The following HELZ variants were observed in gnomAD, a reference collection of about 807,000 sequenced individuals.
The protein encoded by HELZ is helicase with zinc finger.
Under a neutral mutation model 218.2 loss-of-function variants are expected in HELZ, and 23 were observed. The observed-to-expected ratio is 0.11, with a 90% CI of 0.08 to 0.15. The LOEUF (loss-of-function observed/expected upper bound fraction) is 0.15. HELZ is among the 10% of genes least tolerant of loss of function. The probability of loss-of-function intolerance (pLI) is 1.00; values close to 1 mark genes in which losing one functional copy is unlikely to be tolerated. For missense variants in HELZ, 1,813 were observed against 2,353.7 expected (o/e 0.77, Z 4.75); for synonymous variants, 814 against 829.4 (o/e 0.98, Z 0.32).
rs535420960 is a variant in HELZ, at chr17:67,108,230, G to A, written c.4724+262C>T. ...CTCACAGTGATGGTATGTTTCTCTCGCAGAAAAGACCACAAAGTAAGGGAA... is the reference window on the plus strand; with the variant it reads ...CTCACAGTGATGGTATGTTTCTCTCACAGAAAAGACCACAAAGTAAGGGAA... On this transcript the variant is annotated intron_variant, in intron 30 of 32. Transcript: ENST00000358691. This position sits in a 1 kb window ranked among gnomAD's most constrained non-coding sequence, Gnocchi z 4.1. 2.0e-5 allele frequency among the ~76,000 whole-genome samples: 3 copies of A among 152,218 alleles called. No homozygotes were observed. The highest frequency in any genetic ancestry group is 4.1e-4 in the South Asian group (2 of 4,830).
At chr17:67,128,481 G>A in intron 24 of HELZ, 170 bp downstream of exon 24, 1 of 661,796 alleles carries the variant, frequency 1.5e-6, no homozygotes, top group South Asian at 1.8e-5. Flanking sequence ...ACACCATACT[G>A]TATTTTCACT....
intron 31 of HELZ, among the ~76,000 whole-genome samples, chr17:67,093,877 A>G (rs532733850): frequency 6.6e-6 from 1 of 152,366 alleles, no homozygotes; most frequent in South Asian, 2.1e-4. Context: ...TTTTAGCCTT[A>G]TAAAACTCAA....
At chr17:67,199,522 A>G (rs1207597953) in intron 7 of HELZ, among the ~76,000 whole-genome samples, 1 of 152,098 alleles carries the variant, frequency 6.6e-6, no homozygotes, top group Non-Finnish European at 1.5e-5. Context: ...CTGTTTTGCC[A>G]TTACTTTCAA....
intron 4 of HELZ, among the ~76,000 whole-genome samples, chr17:67,216,156 C>A (rs553950297): frequency 2.0e-4 from 30 of 152,168 alleles, no homozygotes; most frequent in Non-Finnish European, 3.8e-4. Context: ...CCCACTCCTA[C>A]TTCTCACCTT....
intron 9 of HELZ, 61 bp downstream of exon 9, chr17:67,193,906 A>G: frequency 1.6e-6 from 2 of 1,270,964 alleles, no homozygotes; most frequent in Non-Finnish European, 2.3e-6. Flanking sequence ...TTAGATAAGG[A>G]AAATTATCTG....
In HELZ at chr17:67,204,709, T is replaced by C. The variant is rs1263312548; in HGVS notation, c.248-1266A>G. ...TTTGACAGGGTTTTATTCAATTATT[T>C]TTAGTTTGGACGAATCTATTGTTTC... On this transcript the variant is annotated intron_variant, in intron 5 of 32. Transcript: ENST00000358691. 2.0e-5 allele frequency among the ~76,000 whole-genome samples: 3 copies of C among 152,142 alleles called. No homozygotes were observed. In the East Asian group the frequency reaches 5.8e-4, roughly 29 times the overall value.
At chr17:67,101,355 C>G (rs1314706515) in intron 31 of HELZ, among the ~76,000 whole-genome samples, 1 of 151,922 alleles carries the variant, frequency 6.6e-6, no homozygotes, top group Non-Finnish European at 1.5e-5. Context: ...CCCTCCTCCC[C>G]CATCCACTCC....
intron 31 of HELZ, among the ~76,000 whole-genome samples, chr17:67,104,155 C>CCGCA (rs570666400): frequency 1.0e-3 from 159 of 152,082 alleles, no homozygotes; most frequent in Non-Finnish European, 1.9e-3. Flanking sequence ...TAAAAAGGGG[C>CCGCA]CGGGTGCGGT....
At chr17:67,135,437 T>C (rs1008799002) in intron 23 of HELZ, among the ~76,000 whole-genome samples, 31 of 152,204 alleles carry the variant, frequency 2.0e-4, no homozygotes, top group African/African-American at 7.0e-4. Flanking sequence ...TGGAGCACTT[T>C]TAACCCAAAT....
intron 3 of HELZ, among the ~76,000 whole-genome samples, chr17:67,226,187 A>G (rs2040884081): frequency 6.7e-6 from 1 of 149,576 alleles, no homozygotes; most frequent in Non-Finnish European, 1.5e-5. Context: ...TGAACACAGG[A>G]GGCGGAGGTT....
intron 22 of HELZ, among the ~76,000 whole-genome samples, chr17:67,136,606 T>C (rs1158930274): frequency 1.3e-5 from 2 of 152,230 alleles, no homozygotes; most frequent in Admixed American, 6.5e-5. Flanking sequence ...CAATAGATTA[T>C]TCAGCCTTAT....
At chr17:67,172,089 T>G (rs1361138647) in intron 13 of HELZ, among the ~76,000 whole-genome samples, 1 of 152,184 alleles carries the variant, frequency 6.6e-6, no homozygotes, top group Non-Finnish European at 1.5e-5. Flanking sequence ...CACCTCGGCC[T>G]CCCAAAGTGC....
intron 31 of HELZ, among the ~76,000 whole-genome samples, chr17:67,089,342 G>A (rs898981550): frequency 2.6e-5 from 4 of 151,876 alleles, no homozygotes; most frequent in Admixed American, 6.6e-5. Flanking sequence ...GGAAGAAAAC[G>A]AAAACTCAGA....
rs531454586 is a variant in HELZ at position 67,169,161 on chromosome 17, T to C, written c.1431-1365A>G. On this transcript the variant is annotated intron_variant, in intron 13 of 32. Coordinates refer to ENST00000358691, the MANE Select transcript of HELZ (RefSeq NM_014877.4). ...TGTAAACTAATTAACAGTTCTCCTT[T>C]GCTGTTCTGAAATGGTGCTGTAAGA... Among the ~76,000 whole-genome samples, 3 of 152,268 alleles carry C rather than the reference T, an allele frequency of 2.0e-5. No individual in the cohort carries two copies. In the South Asian group the frequency reaches 6.2e-4, roughly 32 times the overall value.
At chr17:67,115,568 A>G (rs2037402047) in intron 27 of HELZ, among the ~76,000 whole-genome samples, 1 of 152,096 alleles carries the variant, frequency 6.6e-6, no homozygotes, top group African/African-American at 2.4e-5. Context: ...CCAGGGAGAA[A>G]AAGACTTGTT....
chr17:67,212,742 T>G (rs1400481095), intron 5 of HELZ, among the ~76,000 whole-genome samples: 1 of 152,206 alleles, frequency 6.6e-6, no homozygotes, highest in Non-Finnish European at 1.5e-5. Context: ...AACTCCTTCC[T>G]TATTGGAAGG....
In HELZ at chr17:67,107,230, T is replaced by C. The variant is rs763890552; in HGVS notation, c.5180A>G (p.Glu1727Gly). The change falls in exon 31 of 33, where the codon GAG becomes GGG. Residue 1727 changes from glutamate to glycine, a missense_variant. By Grantham distance (98) the Glu-to-Gly change is moderately conservative (BLOSUM62 -2). This residue lies in a region of HELZ where 938 missense variants were observed against 1,027.5 expected (regional missense o/e 0.91). Transcript: ENST00000358691. Reference sequence around the variant, plus strand: ...TCGAGATGACAATGGGTGAAATGGCTCTTGACCAATAGCATGTTGATGATT... The same window carrying C: ...TCGAGATGACAATGGGTGAAATGGCCCTTGACCAATAGCATGTTGATGATT... ...IQNHQHAIGQ[E>G]PFHPLSSRTV... is the part of the protein sequence containing the mutation. 1 of 1,614,176 alleles carries C rather than the reference T, an allele frequency of 6.2e-7. No homozygotes were observed. Among genetic ancestry groups the C allele is most frequent in the South Asian group, 1.1e-5 (1 of 91,084 alleles).
intron 1 of HELZ, 98 bp downstream of exon 1, chr17:67,245,050 G>A (rs537585077): frequency 3.9e-5 from 38 of 984,696 alleles, no homozygotes; most frequent in Admixed American, 6.2e-5. Flanking sequence ...CGCGCCCGGG[G>A]TCCGGGACAC....
In HELZ at chr17:67,109,316, G is replaced by T. The variant is rs763238918; in HGVS notation, c.4289C>A (p.Ala1430Asp). 1.1e-5 allele frequency: 17 copies of T among 1,614,048 alleles called. No individual in the cohort carries two copies. The Admixed American group carries it at 2.7e-4, about 25-fold the overall frequency. The change falls in exon 29 of 33, where the codon GCT becomes GAT. Residue 1430 changes from alanine (A) to aspartate (D), a missense_variant. This residue lies in a region of HELZ where 938 missense variants were observed against 1,027.5 expected (regional missense o/e 0.91). Transcript: ENST00000358691. Reference protein sequence around the residue: ...SPAYQAGPNNAFFNSAVAHRP... With the variant: ...SPAYQAGPNNDFFNSAVAHRP... ...ATGAGCAACTGCACTATTAAAAAAA[G>T]CATTGTTGGGTCCCGCCTGATATGC...
Sources: allele counts gnomAD v4.1 joint callset (sites outside exome capture counted in the v4.1 genomes callset), GRCh38; gene constraint gnomAD v4.1.1; regional missense constraint gnomAD v4.1.1; non-coding constraint Gnocchi (gnomAD v3.1); transcripts MANE v1.5; gene names NCBI Gene and HGNC (gene_info 2026-07-23, HGNC 2026-07-21).